Variants in DAB1 observed in about 807,000 individuals in gnomAD.
DAB1 encodes the protein DAB adaptor protein 1.
DAB1 carries 15 observed loss-of-function variants against 64.6 expected under a neutral mutation model. The observed-to-expected ratio is 0.23, with a 90% confidence interval of 0.16 to 0.36. The LOEUF (loss-of-function observed/expected upper bound fraction) is 0.36. Ranked by LOEUF, DAB1 falls within the 10% of genes least tolerant of loss-of-function variation. DAB1 has a pLI of 1.00. For synonymous variants in DAB1, 235 were observed against 251.9 expected (o/e 0.93, Z 0.64); for missense variants, 596 against 706.7 (o/e 0.84, Z 1.78).
At chr1:57,847,728 A>G (rs971119781) in intron 1 of DAB1, among the ~76,000 whole-genome samples, 15 of 152,170 alleles carry the variant, frequency 9.9e-5, no homozygotes, top group Admixed American at 9.2e-4. Flanking sequence ...TATAAAGAAA[A>G]ACTCTTAGAA....
At chr1:57,187,184 A>T (rs1663650353) in intron 2 of DAB1, among the ~76,000 whole-genome samples, 1 of 152,190 alleles carries the variant, frequency 6.6e-6, no homozygotes, top group Admixed American at 6.5e-5. Flanking sequence ...TTGAATCTTA[A>T]AAATGTGTTG....
At chr1:57,693,609 G>T (rs78858686) in intron 6 of DAB1, among the ~76,000 whole-genome samples, 5,832 of 152,230 alleles carry the variant, frequency 0.038, 403 homozygotes, top group African/African-American at 0.13. Context: ...CTCCTTCCAC[G>T]CTGTGAAAGC....
At position 57,012,021 on chromosome 1, in the gene DAB1, C is replaced by T. The variant is rs189381661; in HGVS notation, c.1445-749G>A. ...GATACGCATTTTCTGGGCTGACCCACCCACATCTCCTCTCATTTGTTTTAG... is the reference window on the plus strand; with the variant it reads ...GATACGCATTTTCTGGGCTGACCCATCCACATCTCCTCTCATTTGTTTTAG... On this transcript the variant is annotated intron_variant, in intron 12 of 14. Transcript: ENST00000371236. Among the ~76,000 whole-genome samples the T allele has an allele frequency of 1.2e-4, 19 of 152,268 alleles. 1 individual carries two copies. Among genetic ancestry groups the T allele is most frequent in the African/African-American group, 4.1e-4 (17 of 41,558 alleles).
chr1:57,341,636 TTC>T (rs1437129580), intron 1 of DAB1, among the ~76,000 whole-genome samples: 1 of 152,168 alleles, frequency 6.6e-6, no homozygotes, highest in South Asian at 2.1e-4. Context: ...TTGATTTTTT[TTC>T]TCTTTCTTTT....
chr1:57,787,639 A>T (rs950121562), intron 6 of DAB1, among the ~76,000 whole-genome samples: 12 of 152,128 alleles, frequency 7.9e-5, no homozygotes, highest in Non-Finnish European at 8.8e-5. Flanking sequence ...AAAAAGCATG[A>T]ACTATAAAAT....
chr1:57,158,087 A>G (rs1660408772), intron 2 of DAB1, among the ~76,000 whole-genome samples: 2 of 152,174 alleles, frequency 1.3e-5, no homozygotes, highest in Non-Finnish European at 1.5e-5. Context: ...TTCATATGCA[A>G]AACATTGTGG....
intron 2 of DAB1, among the ~76,000 whole-genome samples, chr1:57,282,749 T>C (rs895548252): frequency 1.3e-5 from 2 of 152,218 alleles, no homozygotes; most frequent in Non-Finnish European, 2.9e-5. Context: ...CCAAGAGCTC[T>C]ACTGATCAAG....
chr1:57,433,537 GC>G (rs1685587529), intron 7 of DAB1, among the ~76,000 whole-genome samples: 4 of 152,076 alleles, frequency 2.6e-5, no homozygotes, highest in Admixed American at 2.6e-4. Context: ...AAATATAAAA[GC>G]TAAAATGGTA....
At chr1:57,181,096 A>G (rs1662878179) in intron 2 of DAB1, among the ~76,000 whole-genome samples, 1 of 152,174 alleles carries the variant, frequency 6.6e-6, no homozygotes, top group Non-Finnish European at 1.5e-5. Context: ...CTCAGTGACC[A>G]CTGTCTTTCC....
chr1:57,896,464 A>C (rs2101988831), intron 5 of DAB1, among the ~76,000 whole-genome samples: 1 of 152,250 alleles, frequency 6.6e-6, no homozygotes, highest in South Asian at 2.1e-4. Flanking sequence ...TTTTATATAA[A>C]TATTTTATAG....
At chr1:57,686,991 G>A (rs1646704957) in intron 6 of DAB1, among the ~76,000 whole-genome samples, 1 of 152,190 alleles carries the variant, frequency 6.6e-6, no homozygotes, top group Non-Finnish European at 1.5e-5. Context: ...GGATGAGACA[G>A]TGATGCCCAG....
At chr1:57,476,874 A>G (rs1047217285) in intron 7 of DAB1, among the ~76,000 whole-genome samples, 2 of 152,144 alleles carry the variant, frequency 1.3e-5, no homozygotes, top group South Asian at 4.1e-4. Context: ...GATTCAGAGG[A>G]CTTGGGTTCA....
intron 1 of DAB1, among the ~76,000 whole-genome samples, chr1:57,306,515 T>A (rs1240203251): frequency 8.2e-6 from 1 of 122,412 alleles, no homozygotes; most frequent in East Asian, 2.0e-4. Flanking sequence ...AGAACAGGCT[T>A]TTTTTTTTTT....
At chr1:58,259,906 G>A (rs1457351030) in intron 4 of DAB1, among the ~76,000 whole-genome samples, 1 of 152,190 alleles carries the variant, frequency 6.6e-6, no homozygotes, top group African/African-American at 2.4e-5. Context: ...TAAGGACCAA[G>A]CATTGCTTTA....
chr1:57,944,880 C>T (rs996904654), intron 5 of DAB1, among the ~76,000 whole-genome samples: 1 of 152,168 alleles, frequency 6.6e-6, no homozygotes, highest in African/African-American at 2.4e-5. Context: ...TGCCACCTCA[C>T]ACAGGAAGCA....
At chr1:58,437,219 T>G (rs1644955116) in intron 3 of DAB1, among the ~76,000 whole-genome samples, 1 of 152,006 alleles carries the variant, frequency 6.6e-6, no homozygotes, top group Non-Finnish European at 1.5e-5. Flanking sequence ...CCTCGGAGAG[T>G]CTGAATCTCT....
At chr1:57,673,553 T>C (rs1421590510) in intron 6 of DAB1, among the ~76,000 whole-genome samples, 2 of 152,100 alleles carry the variant, frequency 1.3e-5, no homozygotes, top group African/African-American at 4.8e-5. Flanking sequence ...ACATTGTGGA[T>C]GGATGAATGC....
chr1:57,616,997 A>C (rs1008864601), intron 7 of DAB1, among the ~76,000 whole-genome samples: 1 of 152,140 alleles, frequency 6.6e-6, no homozygotes, highest in Non-Finnish European at 1.5e-5. Flanking sequence ...TGGGCATCAG[A>C]TTTCTCACCT....
chr1:57,562,636 G>T (rs757214801), intron 7 of DAB1, among the ~76,000 whole-genome samples: 4 of 152,134 alleles, frequency 2.6e-5, no homozygotes, highest in Non-Finnish European at 4.4e-5. Flanking sequence ...ATGCGTCCAG[G>T]AATCAAAGGA....
Sources: gnomAD v4.1 joint callset for allele counts (sites outside exome capture counted in the v4.1 genomes callset) on GRCh38, gnomAD v4.1.1 for gene constraint, MANE v1.5 for transcripts, NCBI Gene and HGNC (gene_info 2026-07-23, HGNC 2026-07-21) for gene names.